The following TTBK2 variants were observed in gnomAD, a reference collection of about 807,000 sequenced individuals.
The protein encoded by TTBK2 is tau tubulin kinase 2.
A neutral mutation model predicts 110.8 loss-of-function variants in TTBK2; 28 were observed. That is an observed-to-expected ratio of 0.25 (90% confidence interval 0.19 to 0.35). The LOEUF is 0.35. Among genes scored for constraint, TTBK2 ranks in the 10% least tolerant of loss-of-function variants. The pLI, the probability that TTBK2 is intolerant of heterozygous loss-of-function variation, is 1.00. For missense variants in TTBK2, 1,369 were observed against 1,500.3 expected (o/e 0.91, Z 1.45); for synonymous variants, 532 against 527.3 (o/e 1.01, Z -0.12).
intron 1 of TTBK2, among the ~76,000 whole-genome samples, chr15:42,891,540 C>T (rs1001412808): frequency 6.6e-6 from 1 of 150,580 alleles, no homozygotes; most frequent in South Asian, 2.1e-4. Flanking sequence ...AAAAAAAAAA[C>T]AAACTCTGAA....
intron 1 of TTBK2, among the ~76,000 whole-genome samples, chr15:42,894,207 T>C (rs887290454): frequency 1.3e-5 from 2 of 152,216 alleles, no homozygotes; most frequent in Non-Finnish European, 2.9e-5. Context: ...ACTATGATTG[T>C]GAGGCTTCCC....
At chr15:42,864,333 C>T (rs573578471) in intron 3 of TTBK2, among the ~76,000 whole-genome samples, 1 of 152,058 alleles carries the variant, frequency 6.6e-6, no homozygotes, top group South Asian at 2.1e-4. Flanking sequence ...GCCTATAATC[C>T]CAGCACTTTG....
rs570651910 is a variant in TTBK2, at chr15:42,859,611, T to C, written c.217+13000A>G. Among the ~76,000 whole-genome samples, 3 of 152,256 alleles carry C rather than the reference T, an allele frequency of 2.0e-5. No individual in the cohort carries two copies. In the South Asian group the frequency reaches 6.2e-4, roughly 32 times the overall value. On this transcript the variant is annotated intron_variant, in intron 3 of 14. Transcript: ENST00000267890. ...GGAATGCCTCCCCTCTCTCCACCCA[T>C]TACCACATTACTAACAGTCTATTTT...
chr15:42,913,110 C>G (rs1244938114), intron 1 of TTBK2, among the ~76,000 whole-genome samples: 1 of 121,340 alleles, frequency 8.2e-6, no homozygotes, highest in East Asian at 2.5e-4. Flanking sequence ...CCGACCTGGG[C>G]GACAGAGCGA....
At chr15:42,842,711 C>A (rs1893270662) in intron 3 of TTBK2, among the ~76,000 whole-genome samples, 1 of 150,276 alleles carries the variant, frequency 6.7e-6, no homozygotes, top group African/African-American at 2.5e-5. Flanking sequence ...CATAGCAAGA[C>A]CCCTTCCCCT....
chr15:42,891,165 T>C (rs1017091875), intron 1 of TTBK2, among the ~76,000 whole-genome samples: 1 of 148,152 alleles, frequency 6.7e-6, no homozygotes, highest in Non-Finnish European at 1.5e-5. Flanking sequence ...TGAGCCACCA[T>C]GCCCGACTTT....
At chr15:42,910,616 G>A (rs1397179055) in intron 1 of TTBK2, among the ~76,000 whole-genome samples, 2 of 152,208 alleles carry the variant, frequency 1.3e-5, no homozygotes, top group African/African-American at 2.4e-5. Flanking sequence ...ATAATGCATA[G>A]CTTTGCCCTC....
At chr15:42,885,175 C>T (rs866270721) in intron 1 of TTBK2, among the ~76,000 whole-genome samples, 1 of 152,198 alleles carries the variant, frequency 6.6e-6, no homozygotes, top group Non-Finnish European at 1.5e-5. Context: ...TTCACACAGA[C>T]ACGTGAGACA....
intron 9 of TTBK2, among the ~76,000 whole-genome samples, chr15:42,804,584 C>T (rs771065448): frequency 6.6e-5 from 10 of 152,088 alleles, no homozygotes; most frequent in African/African-American, 2.4e-4. Context: ...AAGTATGGTG[C>T]TATTTCTACT....
At chr15:42,821,677 T>C (rs1182384420) in intron 6 of TTBK2, among the ~76,000 whole-genome samples, 1 of 144,822 alleles carries the variant, frequency 6.9e-6, no homozygotes, top group Non-Finnish European at 1.5e-5. Context: ...GCCAGGGTTT[T>C]TGTTTTTTGT....
chr15:42,797,598 C>G (rs891461111), intron 9 of TTBK2, among the ~76,000 whole-genome samples: 1 of 152,180 alleles, frequency 6.6e-6, no homozygotes, highest in Non-Finnish European at 1.5e-5. Flanking sequence ...GCGCTAAATC[C>G]TAACCTTCCT....
At chr15:42,770,024 C>T (rs1033339760) in intron 13 of TTBK2, among the ~76,000 whole-genome samples, 9 of 149,840 alleles carry the variant, frequency 6.0e-5, no homozygotes, top group Admixed American at 2.0e-4. Flanking sequence ...ACACCACATG[C>T]TCTCACTCAT....
At chr15:42,849,823 T>C (rs1181747485) in intron 3 of TTBK2, among the ~76,000 whole-genome samples, 3 of 152,174 alleles carry the variant, frequency 2.0e-5, no homozygotes, top group Admixed American at 2.0e-4. Flanking sequence ...GACCCATGCA[T>C]GCACAGATTG....
chr15:42,893,759 C>A (rs1158497597), intron 1 of TTBK2, among the ~76,000 whole-genome samples: 1 of 151,582 alleles, frequency 6.6e-6, no homozygotes, highest in African/African-American at 2.4e-5. Context: ...AAAGAACTCA[C>A]AAATAATCAA....
chr15:42,873,315 T>C (rs1162322922), intron 2 of TTBK2, among the ~76,000 whole-genome samples: 1 of 152,024 alleles, frequency 6.6e-6, no homozygotes, highest in Non-Finnish European at 1.5e-5. Context: ...ATGCCTGTAA[T>C]CCCAGCTACT....
chr15:42,774,533 G>A (rs1019951520), intron 13 of TTBK2, among the ~76,000 whole-genome samples: 1 of 151,894 alleles, frequency 6.6e-6, no homozygotes, highest in African/African-American at 2.4e-5. Flanking sequence ...CATAAATGCC[G>A]CCTCTACCTG....
chr15:42,916,980 TTC>T (rs1256353554), intron 1 of TTBK2, among the ~76,000 whole-genome samples: 2 of 152,176 alleles, frequency 1.3e-5, no homozygotes, highest in South Asian at 2.1e-4. Flanking sequence ...AAGATGTTAA[TTC>T]TCTGTTTAAA....
intron 9 of TTBK2, among the ~76,000 whole-genome samples, chr15:42,797,166 G>A (rs562406832): frequency 6.6e-6 from 1 of 152,354 alleles, no homozygotes; most frequent in Non-Finnish European, 1.5e-5. Context: ...CTTCCTGGAA[G>A]GTGGAATCCC....
intron 2 of TTBK2, among the ~76,000 whole-genome samples, chr15:42,878,278 G>A (rs1596014119): frequency 6.6e-6 from 1 of 151,704 alleles, no homozygotes; most frequent in African/African-American, 2.4e-5. Flanking sequence ...CACTGCGCCC[G>A]GCCAGCTCAT....
Sources: gnomAD v4.1 joint callset for allele counts (sites outside exome capture counted in the v4.1 genomes callset) on GRCh38, gnomAD v4.1.1 for gene constraint, MANE v1.5 for transcripts, NCBI Gene and HGNC (gene_info 2026-07-23, HGNC 2026-07-21) for gene names.